Variants in MED13L observed in about 807,000 individuals in gnomAD.
MED13L encodes the protein mediator of RNA polymerase II transcription subunit 13-like.
MED13L carries 7 observed loss-of-function variants against 220.9 expected under a neutral mutation model. That is an observed-to-expected ratio of 0.03 (90% confidence interval 0.02 to 0.06). MED13L has a LOEUF of 0.06. MED13L is among the 10% of genes least tolerant of loss of function. The pLI, the probability that MED13L is intolerant of heterozygous loss-of-function variation, is 1.00. For missense variants in MED13L, 1,965 were observed against 2,760.5 expected (o/e 0.71, Z 6.46); for synonymous variants, 1,011 against 1,015.2 (o/e 1.00, Z 0.08).
chr12:116,148,697 G>C (rs1877780441), intron 2 of MED13L: 1 of 168,000 alleles, frequency 6.0e-6, no homozygotes. Context: ...TTGGGAAAGA[G>C]GAGCATAAAA....
rs140964282 is a variant in MED13L, at chr12:116,263,687, C to T, written c.72+13373G>A. ...CAGTTTAAACCTTAAGAGATTATCTCAACAGGATACATTTATTTATATATC... is the reference window on the plus strand; with the variant it reads ...CAGTTTAAACCTTAAGAGATTATCTTAACAGGATACATTTATTTATATATC... On this transcript the variant is annotated intron_variant, in intron 1 of 30. Coordinates refer to ENST00000281928, the MANE Select transcript of MED13L (RefSeq NM_015335.5). Among the ~76,000 whole-genome samples, 439 of 152,292 alleles carry T rather than the reference C, an allele frequency of 2.9e-3. 3 individuals carry two copies. Among genetic ancestry groups the T allele is most frequent in the Non-Finnish European group, 5.1e-3 (344 of 68,020 alleles).
At chr12:116,255,193 A>C (rs773556742) in intron 1 of MED13L, among the ~76,000 whole-genome samples, 9 of 152,230 alleles carry the variant, frequency 5.9e-5, no homozygotes, top group Non-Finnish European at 1.2e-4. Flanking sequence ...AGACATGTAG[A>C]TCAAAGGAAC....
chr12:116,253,757 T>G (rs1046307545), intron 1 of MED13L, among the ~76,000 whole-genome samples: 3 of 134,152 alleles, frequency 2.2e-5, no homozygotes, highest in Admixed American at 7.3e-5. Flanking sequence ...TTTTTTGTTT[T>G]TTTTTTTTTT....
intron 2 of MED13L, among the ~76,000 whole-genome samples, chr12:116,143,368 A>T (rs1208229979): frequency 1.3e-5 from 2 of 152,010 alleles, no homozygotes; most frequent in African/African-American, 2.4e-5. Context: ...AGAAAAAGAA[A>T]GAATGAATGA....
At chr12:116,069,291 A>G (rs1870193496) in intron 4 of MED13L, among the ~76,000 whole-genome samples, 1 of 152,180 alleles carries the variant, frequency 6.6e-6, no homozygotes, top group Non-Finnish European at 1.5e-5. Flanking sequence ...CTCCCTTCAC[A>G]TATCACTGTT....
At chr12:116,227,482 T>C (rs753489412) in intron 2 of MED13L, among the ~76,000 whole-genome samples, 1 of 152,248 alleles carries the variant, frequency 6.6e-6, no homozygotes, top group Non-Finnish European at 1.5e-5. Flanking sequence ...GCTCAATTCT[T>C]GTGTCTGTGT....
At chr12:116,049,565 C>T (rs1882032946) in intron 4 of MED13L, among the ~76,000 whole-genome samples, 1 of 152,138 alleles carries the variant, frequency 6.6e-6, no homozygotes, top group South Asian at 2.1e-4. Context: ...GAAGTATGGA[C>T]ATAATCACTG....
intron 2 of MED13L, among the ~76,000 whole-genome samples, chr12:116,171,377 T>C (rs1474882917): frequency 5.9e-5 from 9 of 152,232 alleles, no homozygotes; most frequent in Admixed American, 5.9e-4. Context: ...AAAATCTTTA[T>C]ATGGAGTTAA....
intron 4 of MED13L, among the ~76,000 whole-genome samples, chr12:116,047,796 C>G (rs1881927595): frequency 6.6e-6 from 1 of 152,168 alleles, no homozygotes; most frequent in South Asian, 2.1e-4. Context: ...TGTTCTACTG[C>G]CACATAACCT....
At chr12:115,968,383 C>A (rs999893558) in intron 28 of MED13L, among the ~76,000 whole-genome samples, 2 of 152,128 alleles carry the variant, frequency 1.3e-5, no homozygotes, top group African/African-American at 4.8e-5. Flanking sequence ...AATACTCTGG[C>A]GTTAACCTGG....
intron 2 of MED13L, among the ~76,000 whole-genome samples, chr12:116,157,843 T>G (rs1433385224): frequency 2.0e-5 from 3 of 152,192 alleles, no homozygotes; most frequent in African/African-American, 7.2e-5. Flanking sequence ...AAAGATATGC[T>G]ATCAATACTG....
At chr12:116,061,434 T>A (rs145870213) in intron 4 of MED13L, among the ~76,000 whole-genome samples, 1 of 152,168 alleles carries the variant, frequency 6.6e-6, no homozygotes, top group South Asian at 2.1e-4. Context: ...ATCTTACCTA[T>A]TATAAGCTGC....
intron 4 of MED13L, among the ~76,000 whole-genome samples, chr12:116,073,665 GGTAAATAA>G (rs1235258388): frequency 2.0e-5 from 3 of 152,106 alleles, no homozygotes; most frequent in Non-Finnish European, 4.4e-5. Flanking sequence ...TATTGAGGAA[GGTAAATAA>G]GTACATGTTC....
chr12:116,159,377 T>G (rs1565905533), intron 2 of MED13L, among the ~76,000 whole-genome samples: 1 of 152,174 alleles, frequency 6.6e-6, no homozygotes, highest in Non-Finnish European at 1.5e-5. Context: ...TTTAACCAAG[T>G]GGACAGAAAA....
intron 2 of MED13L, among the ~76,000 whole-genome samples, chr12:116,156,789 T>C (rs897117193): frequency 6.6e-6 from 1 of 152,166 alleles, no homozygotes; most frequent in Non-Finnish European, 1.5e-5. Flanking sequence ...GGGTGGCCAT[T>C]ATGCCTAAGT....
chr12:116,170,805 T>A (rs1219274953), intron 2 of MED13L, among the ~76,000 whole-genome samples: 1 of 152,126 alleles, frequency 6.6e-6, no homozygotes, highest in Non-Finnish European at 1.5e-5. Flanking sequence ...TTCAGCATGT[T>A]AGCCAGGATG....
At chr12:116,103,840 T>C (rs1189938604) in intron 3 of MED13L, among the ~76,000 whole-genome samples, 1 of 152,120 alleles carries the variant, frequency 6.6e-6, no homozygotes, top group Non-Finnish European at 1.5e-5. Flanking sequence ...ATAAAATTGG[T>C]ATTTATTGAT....
chr12:116,068,404 AATTATC>A (rs1566041165), intron 4 of MED13L, among the ~76,000 whole-genome samples: 1 of 152,228 alleles, frequency 6.6e-6, no homozygotes, highest in Non-Finnish European at 1.5e-5. Context: ...ATATTTTGCT[AATTATC>A]ATTTATCAAA....
chr12:116,251,407 G>A (rs547948485), intron 1 of MED13L, among the ~76,000 whole-genome samples: 199 of 127,962 alleles, frequency 1.6e-3, no homozygotes, highest in African/African-American at 5.1e-3. Context: ...TGATCCACCC[G>A]CCTCGGTCTC....
Sources: allele counts gnomAD v4.1 joint callset (sites outside exome capture counted in the v4.1 genomes callset), GRCh38; gene constraint gnomAD v4.1.1; transcripts MANE v1.5; gene names NCBI Gene and HGNC (gene_info 2026-07-23, HGNC 2026-07-21).